QRSL1: variants seen among roughly 807,000 people sequenced by gnomAD.
QRSL1 encodes glutamyl-tRNA(Gln) amidotransferase subunit A, mitochondrial.
Under a neutral mutation model 61.6 loss-of-function variants are expected in QRSL1, and 54 were observed. The observed-to-expected ratio is 0.88, with a 90% CI of 0.70 to 1.10. QRSL1 has a LOEUF of 1.10. QRSL1 is among the 50% of genes least tolerant of loss of function. The probability of loss-of-function intolerance (pLI) is 0.00; values close to 1 mark genes in which losing one functional copy is unlikely to be tolerated. For synonymous variants in QRSL1, 228 were observed against 225.7 expected (o/e 1.01, Z -0.09); for missense variants, 505 against 622.6 (o/e 0.81, Z 2.01).
chr6:106,665,670 T>A, intron 10 of QRSL1, 112 bp from the exon 11 acceptor site: 1 of 863,556 alleles, frequency 1.2e-6, no homozygotes, highest in Admixed American at 2.0e-5. Flanking sequence ...ATATTTTTGG[T>A]TGTTTTTTAA....
intron 1 of QRSL1, among the ~76,000 whole-genome samples, chr6:106,639,691 C>A (rs1776987252): frequency 6.6e-6 from 1 of 152,118 alleles, no homozygotes; most frequent in South Asian, 2.1e-4. Flanking sequence ...CCATCTTAGG[C>A]CCTACTTCCT....
intron 1 of QRSL1, among the ~76,000 whole-genome samples, chr6:106,629,961 T>C (rs565353663): frequency 6.6e-6 from 1 of 151,330 alleles, no homozygotes; most frequent in Non-Finnish European, 1.5e-5. Flanking sequence ...AGACATTTGC[T>C]CTGGTGTAGG....
At chr6:106,640,319 TA>T in intron 1 of QRSL1, 29 bp from the exon 2 acceptor site, 1 of 1,583,304 alleles carries the variant, frequency 6.3e-7, no homozygotes, top group Non-Finnish European at 8.6e-7. Flanking sequence ...GCAGACTCAG[TA>T]AAAGGTTTTT....
chr6:106,640,293 A>G (rs574543499), intron 1 of QRSL1, 56 bp from the exon 2 acceptor site: 6 of 1,487,616 alleles, frequency 4.0e-6, no homozygotes, highest in Non-Finnish European at 5.5e-6. Context: ...CCACCAATAT[A>G]ACAATTGAAA....
At chr6:106,632,082 C>T (rs1776844767) in intron 1 of QRSL1, among the ~76,000 whole-genome samples, 1 of 152,188 alleles carries the variant, frequency 6.6e-6, no homozygotes, top group African/African-American at 2.4e-5. Context: ...CTGTGCCTGG[C>T]TTATTTCACT....
chr6:106,633,930 C>T (rs770403817), intron 1 of QRSL1, among the ~76,000 whole-genome samples: 1 of 146,542 alleles, frequency 6.8e-6, no homozygotes, highest in Admixed American at 6.9e-5. Context: ...TGTGTGGAAA[C>T]GCAGCCATTA....
chr6:106,655,221 A>G (rs1777248132), intron 8 of QRSL1, among the ~76,000 whole-genome samples: 1 of 152,204 alleles, frequency 6.6e-6, no homozygotes, highest in Non-Finnish European at 1.5e-5. Context: ...TGAATGAGGG[A>G]GTGAACAATT....
rs1554200732 is a variant in QRSL1 at position 106,639,116 on chromosome 6, G to GT, written c.25-1231dup. 2.6e-3 allele frequency among the ~76,000 whole-genome samples: 144 copies of GT among 54,340 alleles called. 13 individuals are homozygous for GT. The highest frequency in any genetic ancestry group is 0.013 in the East Asian group (32 of 2,516). 35.6% of individuals were successfully genotyped at this position (54,340 alleles called of 152,430 possible). On this transcript the variant is annotated intron_variant, in intron 1 of 10. Coordinates refer to ENST00000369046, the MANE Select transcript of QRSL1 (RefSeq NM_018292.5). Reference sequence around the variant, plus strand: ...ACTTGTGTGGTTATTTGTGTGTTTTGTTGTTTTTTTTTTTTTTTTTTTTTT... The same window carrying GT: ...ACTTGTGTGGTTATTTGTGTGTTTTGTTTGTTTTTTTTTTTTTTTTTTTTTT...
At chr6:106,639,035 C>G (rs1350889670) in intron 1 of QRSL1, among the ~76,000 whole-genome samples, 1 of 151,412 alleles carries the variant, frequency 6.6e-6, no homozygotes, top group Non-Finnish European at 1.5e-5. Context: ...GGGCAAATCA[C>G]TCAAGGTTTC....
intron 4 of QRSL1, among the ~76,000 whole-genome samples, chr6:106,646,074 C>T (rs1243711182): frequency 1.3e-5 from 2 of 152,200 alleles, no homozygotes; most frequent in African/African-American, 4.8e-5. Context: ...TTTTATGACA[C>T]TTGTCACATT....
At position 106,652,509 on chromosome 6, in the gene QRSL1, A is replaced by C. The variant is rs754924939; in HGVS notation, c.776A>C (p.His259Pro). ...GACCCCAGGGACTCTACCACAGTAC[A>C]TGAACCTATTAATAAACCATTCATG... ...GPDPRDSTTV[H>P]EPINKPFMLP... Residue 259 changes from histidine (H) to proline (P), a missense_variant, in exon 7 of 11, where the codon CAT (histidine) becomes CCT (proline). By Grantham distance (77) the His-to-Pro change is moderately conservative. Transcript: ENST00000369046. The C allele has an allele frequency of 2.5e-6, 4 of 1,614,254 alleles. No individual in the cohort carries two copies. In the Admixed American group the frequency reaches 5.0e-5, roughly 20 times the overall value.
In QRSL1 at chr6:106,665,956, C is replaced by T. The variant is rs138574805; in HGVS notation, c.1541C>T (p.Ala514Val). 1 of 1,613,992 alleles carries T rather than the reference C, an allele frequency of 6.2e-7. No homozygotes were observed. The highest frequency in any genetic ancestry group is 8.5e-7 in the Non-Finnish European group (1 of 1,179,852). The change falls in exon 11 of 11, where the codon GCA becomes GTA. Residue 514 changes from alanine (A) to valine (V), a missense_variant. Transcript: ENST00000369046. ...CAAGAACTCATGGATGATTGTTCAGCAGTCCTTGAAAATGAAAAGTTAGCC... is the reference window on the plus strand; with the variant it reads ...CAAGAACTCATGGATGATTGTTCAGTAGTCCTTGAAAATGAAAAGTTAGCC... ...QLQELMDDCS[A>V]VLENEKLASV...
At chr6:106,655,871 C>G in intron 9 of QRSL1, 139 bp downstream of exon 9, 1 of 569,060 alleles carries the variant, frequency 1.8e-6, no homozygotes, top group African/African-American at 1.9e-5. Context: ...GTTTATGGCA[C>G]TTTTGGGTCC....
intron 5 of QRSL1, 65 bp from the exon 6 acceptor site, chr6:106,652,144 G>C: frequency 7.1e-7 from 1 of 1,415,190 alleles, no homozygotes; most frequent in Non-Finnish European, 9.7e-7. Flanking sequence ...ACAATTGAAA[G>C]GGTAGATTCC....
rs1273775452 is a variant in QRSL1 at position 106,654,764 on chromosome 6, A to G, written c.884A>G (p.Gln295Arg). ...GTACCGGAATTATCAAGTGAAGTACAGTCTCTTTGGTCCAAAGCTGCTGAC... is the reference window on the plus strand; with the variant it reads ...GTACCGGAATTATCAAGTGAAGTACGGTCTCTTTGGTCCAAAGCTGCTGAC... ...YLVPELSSEV[Q>R]SLWSKAADLF... Residue 295 changes from glutamine (Q) to arginine (R), a missense_variant, in exon 8 of 11, where the codon CAG becomes CGG. Physicochemically the swap from Gln to Arg is conservative, Grantham distance 43. Transcript: ENST00000369046. The G allele has an allele frequency of 6.2e-7, 1 of 1,612,306 alleles. No homozygotes were observed. Among genetic ancestry groups the G allele is most frequent in the African/African-American group, 1.3e-5 (1 of 74,818 alleles).
intron 4 of QRSL1, among the ~76,000 whole-genome samples, chr6:106,647,589 A>C (rs1777129868): frequency 6.7e-6 from 1 of 150,272 alleles, no homozygotes; most frequent in African/African-American, 2.4e-5. Context: ...GACAATGATA[A>C]TTAAATGGAA....
chr6:106,665,938 T>C lies in QRSL1; in HGVS notation c.1523T>C (p.Leu508Pro). The change falls in exon 11 of 11, where the codon CTC (leucine) becomes CCC (proline). Residue 508 changes from leucine (L) to proline (P), a missense_variant. By Grantham distance (98) the Leu-to-Pro change is moderately conservative. Transcript: ENST00000369046. ...VQFPVIQLQE[L>P]MDDCSAVLEN... ...TTTCCTGTTATTCAACTTCAAGAACTCATGGATGATTGTTCAGCAGTCCTT... is the reference window on the plus strand; with the variant it reads ...TTTCCTGTTATTCAACTTCAAGAACCCATGGATGATTGTTCAGCAGTCCTT... 6.2e-7 allele frequency: 1 copy of C among 1,614,004 alleles called. No individual in the cohort carries two copies. Among genetic ancestry groups the C allele is most frequent in the Non-Finnish European group, 8.5e-7 (1 of 1,179,864 alleles).
intron 3 of QRSL1, among the ~76,000 whole-genome samples, chr6:106,642,126 G>A (rs1361906160): frequency 2.6e-5 from 4 of 152,064 alleles, no homozygotes; most frequent in Non-Finnish European, 4.4e-5. Flanking sequence ...GTGCGATCTC[G>A]GGTCACTGCA....
intron 4 of QRSL1, among the ~76,000 whole-genome samples, chr6:106,647,088 T>G (rs1279072018): frequency 6.7e-6 from 1 of 149,316 alleles, no homozygotes; most frequent in Non-Finnish European, 1.5e-5. Flanking sequence ...AGAACTTCTG[T>G]ACTTTGAAAT....
Sources: gnomAD v4.1 joint callset for allele counts (sites outside exome capture counted in the v4.1 genomes callset) on GRCh38, gnomAD v4.1.1 for gene constraint, MANE v1.5 for transcripts, NCBI Gene and HGNC (gene_info 2026-07-23, HGNC 2026-07-21) for gene names.